The following MTUS1 variants were observed in gnomAD, a reference collection of about 807,000 sequenced individuals.
MTUS1 encodes microtubule-associated tumor suppressor 1.
Under a neutral mutation model 120.8 loss-of-function variants are expected in MTUS1, and 109 were observed. That is an observed-to-expected ratio of 0.90 (90% CI 0.77 to 1.06). MTUS1 has a LOEUF of 1.06. MTUS1 is among the 50% of genes least tolerant of loss of function. The pLI, the probability that MTUS1 is intolerant of heterozygous loss-of-function variation, is 0.00. For synonymous variants in MTUS1, 737 were observed against 550.5 expected, an observed-to-expected ratio of 1.34 and a Z score of -4.74; for missense variants, 2,210 against 1,486.3, an observed-to-expected ratio of 1.49 and a Z score of -8.01.
chr8:17,730,403 T>G (rs138892153), intron 3 of MTUS1, among the ~76,000 whole-genome samples: 7,622 of 151,580 alleles, frequency 0.05, 308 homozygotes, highest in African/African-American at 0.11. Flanking sequence ...GAGAATCACT[T>G]GAGCCTGGAA....
chr8:17,793,739 G>C lies in MTUS1; in HGVS notation c.-155+7322C>G, dbSNP rs963557123. Among the ~76,000 whole-genome samples, 4 of 152,240 alleles carry C rather than the reference G, an allele frequency of 2.6e-5. No homozygotes were observed. In the South Asian group the frequency reaches 6.2e-4, roughly 24 times the overall value. On this transcript the variant is annotated intron_variant, in intron 1 of 14. Coordinates refer to ENST00000693296, the MANE Select transcript of MTUS1 (RefSeq NM_001363059.2). ...TTAATCCTTTTGGTGAGAAGGAAAA[G>C]GGTAAGCATGATTAATGACAAGGAT... is the stretch of plus-strand genomic sequence containing the variant.
chr8:17,738,954 CA>C (rs2131232693), intron 3 of MTUS1, among the ~76,000 whole-genome samples: 1 of 151,876 alleles, frequency 6.6e-6, no homozygotes, highest in South Asian at 2.1e-4. Context: ...GCCTGGGCAA[CA>C]AAGTGAGACC....
chr8:17,753,531 T>C (rs1012587622), intron 2 of MTUS1, among the ~76,000 whole-genome samples, 186 bp downstream of exon 2: 1 of 152,144 alleles, frequency 6.6e-6, no homozygotes, highest in East Asian at 1.9e-4. Flanking sequence ...TTTTTCCATA[T>C]GCAGTTTTGT....
chr8:17,716,134 A>C (rs955902107), intron 4 of MTUS1, among the ~76,000 whole-genome samples: 1 of 152,204 alleles, frequency 6.6e-6, no homozygotes, highest in Non-Finnish European at 1.5e-5. Context: ...GCACAGTCCA[A>C]GCTTATGCAT....
chr8:17,742,432 C>G (rs935591171), intron 3 of MTUS1, among the ~76,000 whole-genome samples: 2 of 151,764 alleles, frequency 1.3e-5, no homozygotes, highest in Non-Finnish European at 2.9e-5. Context: ...GAGCTTTCAT[C>G]TCACTCATGC....
At chr8:17,763,575 C>T (rs1288330308) in intron 1 of MTUS1, among the ~76,000 whole-genome samples, 1 of 151,990 alleles carries the variant, frequency 6.6e-6, no homozygotes, top group African/African-American at 2.4e-5. Flanking sequence ...AATGGCCCGA[C>T]CTCTTTTTTT....
At chr8:17,679,831 T>C (rs1016033797) in intron 7 of MTUS1, among the ~76,000 whole-genome samples, 2 of 152,142 alleles carry the variant, frequency 1.3e-5, no homozygotes, top group African/African-American at 4.8e-5. Flanking sequence ...GTGCTCAGTA[T>C]ACATTACACA....
chr8:17,676,618 A>G (rs1813179631), intron 7 of MTUS1: 1 of 404,500 alleles, frequency 2.5e-6, no homozygotes, highest in East Asian at 3.7e-5. Flanking sequence ...AGACTGATCG[A>G]TTGCCATTTA....
chr8:17,755,678 C>A lies in MTUS1; in HGVS notation c.130G>T (p.Val44Leu). 6.2e-7 allele frequency: 1 copy of A among 1,614,214 alleles called. No homozygotes were observed. Among genetic ancestry groups the A allele is most frequent in the Non-Finnish European group, 8.5e-7 (1 of 1,180,030 alleles). The change falls in exon 2 of 15, where the codon GTG becomes TTG. Residue 44 changes from valine to leucine, a missense_variant. By Grantham distance (32) the Val-to-Leu change is conservative. Coordinates refer to ENST00000693296, the MANE Select transcript of MTUS1 (RefSeq NM_001363059.2). ...PPTQNSSASS[V>L]NWNSANPDDM... ...TCTGGGTTGGCAGAATTCCAGTTCA[C>A]ACTGCTGGCTGAAGAGTTTTGTGTA...
intron 7 of MTUS1, chr8:17,676,429 C>T (rs978945796): frequency 1.5e-6 from 1 of 677,028 alleles, no homozygotes; most frequent in Non-Finnish European, 2.7e-6. Flanking sequence ...ACATTCAAAG[C>T]TCTAGCAGGA....
chr8:17,793,724 T>C (rs2051990290), intron 1 of MTUS1, among the ~76,000 whole-genome samples: 1 of 152,164 alleles, frequency 6.6e-6, no homozygotes, highest in Non-Finnish European at 1.5e-5. Context: ...TTAATCCTTT[T>C]GGTGAGAAGG....
At chr8:17,717,247 T>C (rs1167025431) in intron 4 of MTUS1, among the ~76,000 whole-genome samples, 1 of 152,216 alleles carries the variant, frequency 6.6e-6, no homozygotes, top group Non-Finnish European at 1.5e-5. Context: ...ATTCTGTCAA[T>C]TTCCTGTCCT....
chr8:17,681,559 G>C (rs1814508958), intron 7 of MTUS1: 2 of 154,786 alleles, frequency 1.3e-5, no homozygotes, highest in South Asian at 2.0e-4. Context: ...AGGTAAGTAA[G>C]AATATCTGGC....
chr8:17,709,154 A>C (rs989024168), intron 6 of MTUS1, among the ~76,000 whole-genome samples: 7 of 151,996 alleles, frequency 4.6e-5, no homozygotes, highest in African/African-American at 1.7e-4. Flanking sequence ...AAAAAAGAAA[A>C]AGAATTCTGA....
chr8:17,660,046 G>C (rs967270744), intron 8 of MTUS1, among the ~76,000 whole-genome samples: 2 of 152,132 alleles, frequency 1.3e-5, no homozygotes, highest in African/African-American at 4.8e-5. Context: ...TGTGGGATGT[G>C]TCACAATTTC....
At chr8:17,698,235 T>C (rs1006226616) in intron 6 of MTUS1, among the ~76,000 whole-genome samples, 1 of 152,218 alleles carries the variant, frequency 6.6e-6, no homozygotes, top group African/African-American at 2.4e-5. Flanking sequence ...GCATGAGTAA[T>C]TGCATTTATA....
chr8:17,727,259 C>A (rs2046286256), intron 3 of MTUS1, among the ~76,000 whole-genome samples: 1 of 152,106 alleles, frequency 6.6e-6, no homozygotes, highest in East Asian at 1.9e-4. Context: ...TATTACTATC[C>A]CAGTTAATAG....
intron 1 of MTUS1, among the ~76,000 whole-genome samples, chr8:17,778,002 G>C (rs1346259520): frequency 6.6e-6 from 1 of 152,134 alleles, no homozygotes; most frequent in Non-Finnish European, 1.5e-5. Flanking sequence ...AAGCAACACA[G>C]GAAAACAAAA....
At chr8:17,791,513 T>A (rs2051781939) in intron 1 of MTUS1, among the ~76,000 whole-genome samples, 1 of 152,218 alleles carries the variant, frequency 6.6e-6, no homozygotes, top group Admixed American at 6.5e-5. Context: ...CTTTCGAATG[T>A]GCTGACTGAT....
Sources: gnomAD v4.1 joint callset for allele counts (sites outside exome capture counted in the v4.1 genomes callset) on GRCh38, gnomAD v4.1.1 for gene constraint, MANE v1.5 for transcripts, NCBI Gene and HGNC (gene_info 2026-07-23, HGNC 2026-07-21) for gene names.